SLC30A9: variants seen among roughly 807,000 people sequenced by gnomAD.
The protein encoded by SLC30A9 is solute carrier family 30 member 9, also known as proton-coupled zinc antiporter SLC30A9, mitochondrial.
SLC30A9 carries 58 observed loss-of-function variants against 87.5 expected under a neutral mutation model. The observed-to-expected ratio is 0.66, with a 90% CI of 0.54 to 0.82. The LOEUF (loss-of-function observed/expected upper bound fraction) is 0.82. Ranked by LOEUF, SLC30A9 falls within the 40% of genes least tolerant of loss-of-function variation. The pLI is 0.00. For synonymous variants in SLC30A9, 234 were observed against 233.0 expected, an observed-to-expected ratio of 1.00 and a Z score of -0.04; for missense variants, 557 against 679.1, an observed-to-expected ratio of 0.82 and a Z score of 2.00.
At chr4:42,041,459 G>C (rs1366046270) in intron 8 of SLC30A9, among the ~76,000 whole-genome samples, 1 of 152,128 alleles carries the variant, frequency 6.6e-6, no homozygotes, top group Non-Finnish European at 1.5e-5. Context: ...TAGCAGGCCT[G>C]GTACAGGCAC....
chr4:42,038,915 C>A, intron 7 of SLC30A9, 71 bp from the exon 8 acceptor site: 3 of 980,484 alleles, frequency 3.1e-6, no homozygotes, highest in South Asian at 2.7e-5. Flanking sequence ...TCTGGTCTGT[C>A]AAAGCCACCA....
chr4:42,035,688 G>A (rs1240145800), intron 7 of SLC30A9, among the ~76,000 whole-genome samples: 1 of 151,974 alleles, frequency 6.6e-6, no homozygotes, highest in Non-Finnish European at 1.5e-5. Context: ...TAGAGACAGA[G>A]TTTCACCATG....
Position 42,049,457 on chromosome 4 carries a change from C to T in SLC30A9, c.818C>T (p.Ser273Leu). ...SASMFSEAIH[S>L]LSDTCNQGLL... ...AGTATGTTCTCAGAAGCTATACACT[C>T]ATTATCTGATACTTGTAATCAGGTG... The change falls in exon 9 of 18, where the codon TCA (serine) becomes TTA (leucine). Residue 273 changes from serine (S) to leucine (L), a missense_variant. Physicochemically the swap from Ser to Leu is moderately radical, Grantham distance 145. Coordinates refer to ENST00000264451, the MANE Select transcript of SLC30A9 (RefSeq NM_006345.4). The T allele has an allele frequency of 3.1e-6, 5 of 1,593,532 alleles. No homozygotes were observed. The highest frequency in any genetic ancestry group is 1.7e-6 in the Non-Finnish European group (2 of 1,166,752).
chr4:42,071,702 T>A (rs1430204546), intron 15 of SLC30A9, among the ~76,000 whole-genome samples: 2 of 151,470 alleles, frequency 1.3e-5, no homozygotes, highest in South Asian at 2.1e-4. Context: ...AGATTAGAAG[T>A]TGAGCATTAT....
rs1454743192 is a variant in SLC30A9, at chr4:42,088,814, G to C, written c.*2688G>C. 6.6e-6 allele frequency: 1 copy of C among 152,046 alleles called. No homozygotes were observed. Among genetic ancestry groups the C allele is most frequent in the East Asian group, 1.9e-4 (1 of 5,136 alleles). The allele number at this position is 152,046 out of a possible 1,614,324, so 9.4% of individuals were successfully genotyped here. A position where few individuals can be genotyped will look rare whatever the true frequency, so the allele number is the denominator to read the frequency against. ...GGGGACAAAGATCCAAAGCATATCA[G>C]CATCTGTAGTCACAGCTACTTGGGA... On this transcript the variant is annotated 3_prime_UTR_variant, in exon 18 of 18. Transcript: ENST00000264451.
chr4:42,081,013 T>C (rs1718724603), intron 17 of SLC30A9, among the ~76,000 whole-genome samples: 1 of 152,220 alleles, frequency 6.6e-6, no homozygotes, highest in Admixed American at 6.5e-5. Context: ...TTGCATTTTA[T>C]CATTAGCAAC....
intron 8 of SLC30A9, among the ~76,000 whole-genome samples, chr4:42,045,648 G>A (rs182420123): frequency 6.7e-6 from 1 of 150,260 alleles, no homozygotes; most frequent in Non-Finnish European, 1.5e-5. Flanking sequence ...GAGGTGCAAA[G>A]AGGAGCTGGT....
rs574782374 is a variant in SLC30A9, at chr4:42,026,611, A to C, written c.610+3227A>C. ...TTAGTGTTCCTACTTCTTATCAATGACACTGATTTTTATTAGTATTAGAAA... is the reference window on the plus strand; with the variant it reads ...TTAGTGTTCCTACTTCTTATCAATGCCACTGATTTTTATTAGTATTAGAAA... On this transcript the variant is annotated intron_variant, in intron 6 of 17. Coordinates refer to ENST00000264451, the MANE Select transcript of SLC30A9 (RefSeq NM_006345.4). Among the ~76,000 whole-genome samples the C allele has an allele frequency of 4.6e-5, 7 of 152,182 alleles. No homozygotes were observed. In the South Asian group the frequency reaches 1.5e-3, roughly 32 times the overall value.
At chr4:42,057,074 G>T (rs1417409542) in intron 9 of SLC30A9, among the ~76,000 whole-genome samples, 1 of 152,232 alleles carries the variant, frequency 6.6e-6, no homozygotes, top group Non-Finnish European at 1.5e-5. Context: ...AGCTCTGCAG[G>T]ATATAGCCCA....
At chr4:42,025,408 C>T (rs1159387510) in intron 6 of SLC30A9, among the ~76,000 whole-genome samples, 3 of 152,194 alleles carry the variant, frequency 2.0e-5, no homozygotes, top group Non-Finnish European at 4.4e-5. Context: ...GATTGACCTT[C>T]TGTTGATGAT....
In SLC30A9 at chr4:42,028,127, T is replaced by C. The variant is rs77502947; in HGVS notation, c.610+4743T>C. Among the ~76,000 whole-genome samples, 962 of 152,296 alleles carry C rather than the reference T, an allele frequency of 6.3e-3. 14 individuals are homozygous for C. The highest frequency in any genetic ancestry group is 0.022 in the African/African-American group (925 of 41,558). On this transcript the variant is annotated intron_variant, in intron 6 of 17. Coordinates refer to ENST00000264451, the MANE Select transcript of SLC30A9 (RefSeq NM_006345.4). ...ACAGGCAAGAATTTATTTTATTTTA[T>C]TTTATTTTTGAGACGGAGTCTCACT...
In SLC30A9 at chr4:42,018,108, C is replaced by G; in HGVS notation, c.275-3C>G. The G allele has an allele frequency of 6.6e-7, 1 of 1,504,360 alleles. No individual in the cohort carries two copies. The highest frequency in any genetic ancestry group is 9.2e-7 in the Non-Finnish European group (1 of 1,090,588). 93.2% of individuals were successfully genotyped at this position (1,504,360 alleles called of 1,614,324 possible). A position where few individuals can be genotyped will look rare whatever the true frequency, so the allele number is the denominator to read the frequency against. On this transcript the variant is annotated splice_region_variant and splice_polypyrimidine_tract_variant and intron_variant, in intron 2 of 17. Coordinates refer to ENST00000264451, the MANE Select transcript of SLC30A9 (RefSeq NM_006345.4). ...TGTAAACTTCTTTTAATAAACTTTA[C>G]AGCAGAAGGTATAGGCACAGAACTC... is the stretch of plus-strand genomic sequence containing the variant.
chr4:42,065,820 TA>T (rs1718058414), intron 12 of SLC30A9, among the ~76,000 whole-genome samples: 1 of 152,234 alleles, frequency 6.6e-6, no homozygotes, highest in Non-Finnish European at 1.5e-5. Flanking sequence ...GCCGATTCAC[TA>T]AAAATTGGAT....
intron 2 of SLC30A9, among the ~76,000 whole-genome samples, chr4:42,015,041 TAACTA>T (rs1248904363): frequency 6.6e-6 from 1 of 150,404 alleles, no homozygotes; most frequent in African/African-American, 2.5e-5. Flanking sequence ...CATTTAAAAA[TAACTA>T]AAAGAGTATA....
intron 11 of SLC30A9, among the ~76,000 whole-genome samples, chr4:42,064,607 A>C (rs961752098): frequency 2.0e-5 from 3 of 152,164 alleles, no homozygotes; most frequent in African/African-American, 7.2e-5. Flanking sequence ...GCGTTCTTCT[A>C]ATTTGTATAG....
chr4:41,996,186 C>T (rs1242392124), intron 1 of SLC30A9, among the ~76,000 whole-genome samples: 1 of 151,822 alleles, frequency 6.6e-6, no homozygotes, highest in Admixed American at 6.5e-5. Context: ...CCCTCCACCT[C>T]CTGGGTTCAA....
chr4:42,065,448 G>C (rs1342017094), intron 12 of SLC30A9, 99 bp downstream of exon 12: 2 of 734,432 alleles, frequency 2.7e-6, no homozygotes, highest in African/African-American at 3.5e-5. Context: ...TTAAAGAAAA[G>C]CAAGTGTGGG....
At chr4:42,033,289 C>G (rs1222198141) in intron 6 of SLC30A9, among the ~76,000 whole-genome samples, 3 of 151,702 alleles carry the variant, frequency 2.0e-5, no homozygotes, top group East Asian at 1.9e-4. Flanking sequence ...TAAGTCCTCT[C>G]TCTTGTATAA....
chr4:42,076,844 C>G (rs1302500213), intron 16 of SLC30A9, among the ~76,000 whole-genome samples: 1 of 151,926 alleles, frequency 6.6e-6, no homozygotes, highest in Non-Finnish European at 1.5e-5. Context: ...TGCCTGTAGT[C>G]CCAGCTACTC....
Sources: gnomAD v4.1 joint callset for allele counts (sites outside exome capture counted in the v4.1 genomes callset) on GRCh38, gnomAD v4.1.1 for gene constraint, MANE v1.5 for transcripts, NCBI Gene and HGNC (gene_info 2026-07-23, HGNC 2026-07-21) for gene names.